The following DLG2 variants were observed in gnomAD, a reference collection of about 807,000 sequenced individuals.
The protein encoded by DLG2 is disks large homolog 2.
A neutral mutation model predicts 132.5 loss-of-function variants in DLG2; 45 were observed. That is an observed-to-expected ratio of 0.34 (90% CI 0.27 to 0.44). DLG2 has a LOEUF of 0.44. Ranked by LOEUF, DLG2 falls within the 20% of genes least tolerant of loss-of-function variation. DLG2 has a pLI of 1.00. For missense variants in DLG2, 1,045 were observed against 1,196.9 expected (o/e 0.87, Z 1.87); for synonymous variants, 424 against 419.6 (o/e 1.01, Z -0.13).
chr11:83,731,100 AT>A (rs1434254332), intron 18 of DLG2, among the ~76,000 whole-genome samples: 2 of 152,182 alleles, frequency 1.3e-5, no homozygotes, highest in Non-Finnish European at 2.9e-5. Context: ...CCTCTGCGTT[AT>A]GTAATTTCCC....
At chr11:84,657,668 G>C (rs540488011) in intron 6 of DLG2, among the ~76,000 whole-genome samples, 4 of 152,076 alleles carry the variant, frequency 2.6e-5, no homozygotes, top group African/African-American at 9.7e-5. Flanking sequence ...ATCTAATGCC[G>C]TTGTTAATCT....
At chr11:84,233,046 G>T (rs1431103053) in intron 8 of DLG2, among the ~76,000 whole-genome samples, 2 of 152,140 alleles carry the variant, frequency 1.3e-5, no homozygotes, top group East Asian at 3.9e-4. Context: ...GCACCTTTCA[G>T]TTTCCTTAGC....
chr11:83,992,924 A>G (rs373003655), intron 11 of DLG2, among the ~76,000 whole-genome samples: 2 of 152,164 alleles, frequency 1.3e-5, no homozygotes, highest in East Asian at 3.9e-4. Context: ...GTGTTGGAAT[A>G]GCTATTAGGG....
intron 6 of DLG2, among the ~76,000 whole-genome samples, chr11:84,773,667 T>G (rs965802984): frequency 6.6e-6 from 1 of 152,092 alleles, no homozygotes; most frequent in Admixed American, 6.6e-5. Flanking sequence ...GTGATTCACA[T>G]AAACAGAATT....
At chr11:85,492,447 C>T (rs1275705567) in intron 3 of DLG2, among the ~76,000 whole-genome samples, 1 of 152,110 alleles carries the variant, frequency 6.6e-6, no homozygotes, top group Non-Finnish European at 1.5e-5. Flanking sequence ...CTAAAAAAAA[C>T]TGCAGTGTAA....
intron 5 of DLG2, among the ~76,000 whole-genome samples, chr11:85,150,266 C>A (rs183366577): frequency 2.0e-5 from 3 of 151,912 alleles, no homozygotes; most frequent in Non-Finnish European, 4.4e-5. Context: ...GTGATCCGCC[C>A]GTCTCAGCCT....
rs547507650 is a variant in DLG2 at position 84,455,705 on chromosome 11, A to G, written c.519+78865T>C. Among the ~76,000 whole-genome samples, 20 of 151,540 alleles carry G rather than the reference A, an allele frequency of 1.3e-4. No individual in the cohort carries two copies. In the East Asian group the frequency reaches 3.5e-3, roughly 27 times the overall value. On this transcript the variant is annotated intron_variant, in intron 7 of 27. Coordinates refer to ENST00000376104, the MANE Select transcript of DLG2 (RefSeq NM_001142699.3). ...ATACTAGACTTTTATTCTACTTTTC[A>G]TTGGGCATTTAAAAAGGCATAGCCG...
intron 3 of DLG2, among the ~76,000 whole-genome samples, chr11:85,475,015 T>C (rs1035684902): frequency 9.9e-5 from 15 of 151,284 alleles, no homozygotes; most frequent in Admixed American, 2.7e-4. Flanking sequence ...ATAATAAAAT[T>C]TCTAAAAAGT....
intron 7 of DLG2, among the ~76,000 whole-genome samples, chr11:84,393,425 T>C (rs2154442569): frequency 6.6e-6 from 1 of 152,284 alleles, no homozygotes; most frequent in East Asian, 1.9e-4. Flanking sequence ...ACTCTAACTT[T>C]TGTAATAGTT....
intron 5 of DLG2, 109 bp from the exon 6 acceptor site, chr11:85,111,844 T>C (rs1252623510): frequency 6.4e-6 from 5 of 781,072 alleles, no homozygotes; most frequent in Non-Finnish European, 9.6e-6. Flanking sequence ...TTTATAATCA[T>C]AGAGAGAGAA....
chr11:84,133,517 T>C (rs1668156649), intron 9 of DLG2, among the ~76,000 whole-genome samples: 1 of 152,038 alleles, frequency 6.6e-6, no homozygotes, highest in African/African-American at 2.4e-5. Context: ...TACAAAAAAT[T>C]GTGTAAAAAG....
At chr11:84,305,181 T>C (rs1599501042) in intron 7 of DLG2, among the ~76,000 whole-genome samples, 2 of 152,160 alleles carry the variant, frequency 1.3e-5, no homozygotes, top group African/African-American at 4.8e-5. Context: ...CACAAAAACA[T>C]AATTTAATAA....
chr11:84,994,491 TC>T (rs1275183823), intron 6 of DLG2, among the ~76,000 whole-genome samples: 2 of 152,246 alleles, frequency 1.3e-5, no homozygotes, highest in Non-Finnish European at 2.9e-5. Flanking sequence ...CTTACACTGT[TC>T]CTCTAGACAT....
chr11:83,838,634 T>A (rs536357729), intron 16 of DLG2, among the ~76,000 whole-genome samples: 5 of 152,200 alleles, frequency 3.3e-5, no homozygotes, highest in Non-Finnish European at 7.3e-5. Context: ...TATGGATTTG[T>A]GGCTTCACAT....
At chr11:84,098,846 T>C (rs2092122909) in intron 10 of DLG2, 77 bp downstream of exon 10, 11 of 1,498,634 alleles carry the variant, frequency 7.3e-6, no homozygotes, top group Non-Finnish European at 1.0e-5. Flanking sequence ...AGAATTATTA[T>C]TCTTCAAAGG....
At chr11:84,349,702 G>C (rs2098554109) in intron 7 of DLG2, among the ~76,000 whole-genome samples, 1 of 152,052 alleles carries the variant, frequency 6.6e-6, no homozygotes, top group Admixed American at 6.5e-5. Flanking sequence ...CTAACAAAAG[G>C]CCCTACTAAT....
intron 7 of DLG2, among the ~76,000 whole-genome samples, chr11:84,337,466 T>C (rs561762771): frequency 4.6e-5 from 7 of 152,350 alleles, no homozygotes; most frequent in African/African-American, 1.4e-4. Flanking sequence ...TAATATTTTT[T>C]ATTGTCTTCC....
At chr11:84,932,165 T>A (rs1226666964) in intron 6 of DLG2, among the ~76,000 whole-genome samples, 2 of 152,230 alleles carry the variant, frequency 1.3e-5, no homozygotes, top group African/African-American at 4.8e-5. Flanking sequence ...GCAATTGCTT[T>A]TGGCATCTTT....
intron 6 of DLG2, among the ~76,000 whole-genome samples, chr11:84,580,578 C>T (rs192236929): frequency 6.6e-6 from 1 of 152,322 alleles, no homozygotes; most frequent in East Asian, 1.9e-4. Flanking sequence ...TTCAACACAC[C>T]TCCTAGCTGC....
Sources: gnomAD v4.1 joint callset for allele counts (sites outside exome capture counted in the v4.1 genomes callset) on GRCh38, gnomAD v4.1.1 for gene constraint, MANE v1.5 for transcripts, NCBI Gene and HGNC (gene_info 2026-07-23, HGNC 2026-07-21) for gene names.